Variants in HDAC7 observed in about 807,000 individuals in gnomAD.
The protein encoded by HDAC7 is histone deacetylase 7, also known as histone deacetylase 7A.
HDAC7 carries 26 observed loss-of-function variants against 115.5 expected under a neutral mutation model. The ratio of observed to expected loss-of-function variants is 0.23; its 90% CI spans 0.16 to 0.31. The LOEUF is 0.31. HDAC7 is among the 10% of genes least tolerant of loss of function. The probability of loss-of-function intolerance (pLI) is 1.00; values close to 1 mark genes in which losing one functional copy is unlikely to be tolerated. For missense variants in HDAC7, 1,068 were observed against 1,329.0 expected, an observed-to-expected ratio of 0.80 and a Z score of 3.05; for synonymous variants, 564 against 550.9, an observed-to-expected ratio of 1.02 and a Z score of -0.33.
intron 1 of HDAC7, among the ~76,000 whole-genome samples, chr12:47,813,962 T>C (rs1266345734): frequency 2.6e-5 from 4 of 152,232 alleles, no homozygotes; most frequent in Admixed American, 1.3e-4. Context: ...CCTGCTGGCC[T>C]AGAGCCGGAA....
chr12:47,799,735 C>T (rs1944071383), intron 2 of HDAC7, among the ~76,000 whole-genome samples: 1 of 152,214 alleles, frequency 6.6e-6, no homozygotes, highest in Non-Finnish European at 1.5e-5. Context: ...AGCACCCTGC[C>T]AAGGCTGTGG....
chr12:47,817,060 C>G (rs1403108022), intron 1 of HDAC7, among the ~76,000 whole-genome samples: 1 of 152,220 alleles, frequency 6.6e-6, no homozygotes, highest in Non-Finnish European at 1.5e-5. Context: ...TCCTGTAGCC[C>G]TAAGGCCTGG....
chr12:47,793,279 C>T lies in HDAC7; in HGVS notation c.1678+90G>A. 1 of 1,019,948 alleles carries T rather than the reference C, an allele frequency of 9.8e-7. No individual in the cohort carries two copies. 63.2% of individuals were successfully genotyped at this position (1,019,948 alleles called of 1,614,324 possible). Reference sequence around the variant, plus strand: ...AACAAGGCTAAGCACTCTGTGGCCTCTAAAAATGTCCCAAGTGACACCAAG... The same window carrying T: ...AACAAGGCTAAGCACTCTGTGGCCTTTAAAAATGTCCCAAGTGACACCAAG... On this transcript the variant is annotated intron_variant, in intron 13 of 25. Transcript: ENST00000080059. This position sits in a 1 kb window ranked among gnomAD's most constrained non-coding sequence, Gnocchi z 4.5.
At chr12:47,820,250 G>A (rs1318599349), upstream of HDAC7, among the ~76,000 whole-genome samples, 1 of 152,120 alleles carries the variant, frequency 6.6e-6, no homozygotes, top group African/African-American at 2.4e-5. This position sits in a 1 kb window ranked among gnomAD's most constrained non-coding sequence, Gnocchi z 4.3. Flanking sequence ...ACGCACCCTC[G>A]CATACACAAC....
At chr12:47,801,878 C>A (rs1255279610) in intron 2 of HDAC7, among the ~76,000 whole-genome samples, 32 of 151,210 alleles carry the variant, frequency 2.1e-4, no homozygotes, top group Non-Finnish European at 1.5e-5. Context: ...GGACCGAGTC[C>A]ACACACAAGA....
rs374097969 is a variant in HDAC7 at position 47,785,918 on chromosome 12, G to A, written c.2573-33C>T. Reference sequence around the variant, plus strand: ...TTGGGAGGGGAGAAATGGGAGGGGCGGGAGTGGAGAGGTGACCCTGTTCTC... The same window carrying A: ...TTGGGAGGGGAGAAATGGGAGGGGCAGGAGTGGAGAGGTGACCCTGTTCTC... On this transcript the variant is annotated intron_variant, in intron 22 of 25. Coordinates refer to ENST00000080059, the MANE Select transcript of HDAC7 (RefSeq NM_015401.5). The A allele has an allele frequency of 3.1e-5, 48 of 1,555,912 alleles. No individual in the cohort carries two copies. The African/African-American group carries it at 3.1e-4, about 10-fold the overall frequency.
At chr12:47,801,140 G>A (rs544394944) in intron 2 of HDAC7, among the ~76,000 whole-genome samples, 1 of 152,330 alleles carries the variant, frequency 6.6e-6, no homozygotes, top group African/African-American at 2.4e-5. Flanking sequence ...GACCCAGCCA[G>A]CGCCTAGCAT....
chr12:47,786,535 A>G (rs778192064), intron 22 of HDAC7, 50 bp downstream of exon 22: 13 of 1,362,226 alleles, frequency 9.5e-6, no homozygotes, highest in Admixed American at 1.7e-5. Context: ...AACTCCCCGC[A>G]CCGCCTGGCT....
chr12:47,787,564 T>G, intron 21 of HDAC7, 148 bp downstream of exon 21: 2 of 609,236 alleles, frequency 3.3e-6, no homozygotes, highest in Non-Finnish European at 5.8e-6. Context: ...TTCTCTCTGT[T>G]TGTCCTATTC....
intron 1 of HDAC7, chr12:47,818,983 A>G (rs1443436913): frequency 6.6e-6 from 1 of 152,416 alleles, no homozygotes; most frequent in Non-Finnish European, 1.5e-5. Context: ...CATCCGCCAA[A>G]TTTGCCGCCT....
intron 1 of HDAC7, chr12:47,802,482 CTCCCTCT>C: frequency 6.4e-7 from 1 of 1,551,128 alleles, no homozygotes. Context: ...GGGCTCCCAG[CTCCCTCT>C]TCCTCAAGTC....
chr12:47,784,717 G>A, intron 24 of HDAC7: 1 of 1,535,428 alleles, frequency 6.5e-7, no homozygotes, highest in Non-Finnish European at 8.7e-7. Context: ...CGCTCTGCAT[G>A]GGTGCCCAGG....
chr12:47,792,170 G>T, intron 13 of HDAC7, 166 bp from the exon 14 acceptor site: 1 of 737,126 alleles, frequency 1.4e-6, no homozygotes, highest in Non-Finnish European at 2.1e-6. Context: ...CCCTACCCCA[G>T]CCCCAGCCCC....
intron 1 of HDAC7, 22 bp downstream of exon 1, chr12:47,819,745 G>A: frequency 1.2e-6 from 1 of 819,120 alleles, no homozygotes; most frequent in South Asian, 5.4e-5. Flanking sequence ...GGCGGGGCGG[G>A]GGGCGGCCGC....
In HDAC7 at chr12:47,787,708, G is replaced by C. The variant is rs374115627; in HGVS notation, c.2453+4C>G. 3.1e-6 allele frequency: 5 copies of C among 1,603,230 alleles called. No individual in the cohort carries two copies. In the African/African-American group the frequency reaches 6.7e-5, roughly 21 times the overall value. ...TTGCCCCTCTGGGCCCCCAGAGCACGTACCTGAAAGCAGCCAGGTACTCAG... is the reference window on the plus strand; with the variant it reads ...TTGCCCCTCTGGGCCCCCAGAGCACCTACCTGAAAGCAGCCAGGTACTCAG... On this transcript the variant is annotated splice_donor_region_variant and intron_variant, in intron 21 of 25. Coordinates refer to ENST00000080059, the MANE Select transcript of HDAC7 (RefSeq NM_015401.5).
chr12:47,819,747 G>T lies in HDAC7; in HGVS notation c.19+20C>A. On this transcript the variant is annotated intron_variant, in intron 1 of 25. Transcript: ENST00000080059. ...GTGCCGCGCGCAGGGCGGGGCGGGG[G>T]GCGGCCGCCCAGTACTCACCAGCGC... is the stretch of plus-strand genomic sequence containing the variant. 1 of 832,544 alleles carries T rather than the reference G, an allele frequency of 1.2e-6. No homozygotes were observed. Among genetic ancestry groups the T allele is most frequent in the Non-Finnish European group, 1.5e-6 (1 of 679,866 alleles). 51.6% of individuals were successfully genotyped at this position (832,544 alleles called of 1,614,324 possible).
Position 47,797,300 on chromosome 12 carries a change from G to A in HDAC7, c.577+84C>T, listed in dbSNP as rs61640980. 3.8e-5 allele frequency: 24 copies of A among 628,528 alleles called. 1 individual carries two copies. Among genetic ancestry groups the A allele is most frequent in the Non-Finnish European group, 5.5e-5 (21 of 385,222 alleles). The allele number at this position is 628,528 out of a possible 1,614,324, so 38.9% of individuals were successfully genotyped here. The stretch of plus-strand genomic sequence containing the variant: ...ATGATCTCCTGGCCCAGCCCAGCCC[G>A]CCCACCCCTGCACACTCCTCCCCCA... On this transcript the variant is annotated intron_variant, in intron 6 of 25. Coordinates refer to ENST00000080059, the MANE Select transcript of HDAC7 (RefSeq NM_015401.5). The surrounding 1 kb of genome is among the most constrained non-coding windows in gnomAD (Gnocchi z 5.5).
intron 24 of HDAC7, chr12:47,785,026 G>A: frequency 1.7e-6 from 1 of 576,292 alleles, no homozygotes. Context: ...CAGAGCTCCT[G>A]AGACGCCTGT....
At chr12:47,799,981 C>T (rs1944085363) in intron 2 of HDAC7, among the ~76,000 whole-genome samples, 1 of 152,168 alleles carries the variant, frequency 6.6e-6, no homozygotes, top group Admixed American at 6.5e-5. Flanking sequence ...CAACGCTGGG[C>T]ATCTCCCAGT....
Sources: gnomAD v4.1 joint callset for allele counts (sites outside exome capture counted in the v4.1 genomes callset) on GRCh38, gnomAD v4.1.1 for gene constraint, Gnocchi (gnomAD v3.1) non-coding constraint, MANE v1.5 for transcripts, NCBI Gene and HGNC (gene_info 2026-07-23, HGNC 2026-07-21) for gene names.